The following MAMLD1 variants were observed in gnomAD, a reference collection of about 807,000 sequenced individuals.
MAMLD1 encodes mastermind-like domain-containing protein 1.
MAMLD1 carries 14 observed loss-of-function variants against 45.0 expected under a neutral mutation model. That is an observed-to-expected ratio of 0.31 (90% confidence interval 0.21 to 0.49). MAMLD1 has a LOEUF of 0.49. Ranked by LOEUF, MAMLD1 falls within the 20% of genes least tolerant of loss-of-function variation. The pLI is 0.99. For missense variants in MAMLD1, 543 were observed against 603.6 expected (o/e 0.90, Z 1.05); for synonymous variants, 254 against 247.8 (o/e 1.02, Z -0.24).
chrX:150,397,911 C>T (rs781793036), intron 1 of MAMLD1, among the ~76,000 whole-genome samples: 6 of 111,271 alleles, frequency 5.4e-5, no homozygotes, highest in African/African-American at 2.0e-4. Flanking sequence ...TAAGAAGTTT[C>T]ATGGCATATG....
intron 5 of MAMLD1, among the ~76,000 whole-genome samples, chrX:150,486,671 A>G (rs1417611795): frequency 9.0e-6 from 1 of 111,324 alleles, no homozygotes; most frequent in Non-Finnish European, 1.9e-5. Context: ...AAGGGATCCA[A>G]CTCCAATCCG....
chrX:150,388,567 T>C (rs1267049468), intron 1 of MAMLD1, among the ~76,000 whole-genome samples: 2 of 112,195 alleles, frequency 1.8e-5, no homozygotes, highest in Non-Finnish European at 3.8e-5. Context: ...TTTTGGTAGT[T>C]TGTGCTGTGC....
intron 3 of MAMLD1, among the ~76,000 whole-genome samples, chrX:150,467,561 G>A (rs1200671690): frequency 2.7e-5 from 3 of 112,703 alleles, no homozygotes; most frequent in African/African-American, 9.7e-5. Flanking sequence ...TGGTGACAGA[G>A]CTGTCCCTTG....
chrX:150,490,701 C>T (rs782604093), intron 5 of MAMLD1, among the ~76,000 whole-genome samples: 1 of 111,926 alleles, frequency 8.9e-6, no homozygotes, highest in South Asian at 3.7e-4. Context: ...TCTAGTTCGA[C>T]TACATCATTG....
intron 1 of MAMLD1, among the ~76,000 whole-genome samples, chrX:150,408,368 CA>C (rs1281397480): frequency 9.1e-6 from 1 of 109,728 alleles, no homozygotes; most frequent in African/African-American, 3.4e-5. Context: ...ATTTGCTCTC[CA>C]TTTTTTTTTC....
intron 5 of MAMLD1, among the ~76,000 whole-genome samples, chrX:150,477,343 C>T (rs1342920802): frequency 8.9e-6 from 1 of 112,393 alleles, no homozygotes; most frequent in Non-Finnish European, 1.9e-5. Flanking sequence ...GGAAAGTTCC[C>T]GAAACCCAGA....
In MAMLD1 at chrX:150,470,642, C is replaced by T. The variant is rs373358148; in HGVS notation, c.1069C>T (p.Pro357Ser). 20 of 1,210,269 alleles carry T rather than the reference C, an allele frequency of 1.7e-5. No individual in the cohort carries two copies. The highest frequency in any genetic ancestry group is 2.2e-5 in the Non-Finnish European group (20 of 895,205). Residue 357 changes from proline (P) to serine (S), a missense_variant, in exon 4 of 8, where the codon CCA becomes TCA. Physicochemically the swap from Pro to Ser is moderately conservative, Grantham distance 74. Transcript: ENST00000370401. ...HPPPLPLPPPPPPFSPQSLMV... is the reference protein window; with the variant it reads ...HPPPLPLPPPSPPFSPQSLMV... ...ACCACCGCTGCCACTGCCACCACCA[C>T]CACCCCCATTCAGCCCCCAGAGCCT...
At chrX:150,422,489 A>G (rs1445889152) in intron 1 of MAMLD1, among the ~76,000 whole-genome samples, 1 of 111,408 alleles carries the variant, frequency 9.0e-6, no homozygotes, top group Non-Finnish European at 1.9e-5. Flanking sequence ...GCTCACTGCA[A>G]CCTCCACCTC....
At chrX:150,468,841 G>A (rs1028288718) in intron 3 of MAMLD1, among the ~76,000 whole-genome samples, 1 of 110,906 alleles carries the variant, frequency 9.0e-6, no homozygotes, top group Non-Finnish European at 1.9e-5. Flanking sequence ...ATTATGAGTC[G>A]TTCTCGTTAA....
rs12399919 is a variant in MAMLD1 at position 150,402,947 on chromosome X, G to A, written c.-64+39417G>A. ...TGGGGTGGGGGGAGGAAGGAGGGAT[G>A]GCATTGGGAGATATACCTAATGCTA... On this transcript the variant is annotated intron_variant, in intron 1 of 7. Coordinates refer to ENST00000370401, the MANE Select transcript of MAMLD1 (RefSeq NM_005491.5). Among the ~76,000 whole-genome samples, 167 of 110,481 alleles carry A rather than the reference G, an allele frequency of 1.5e-3. 2 individuals carry two copies. Among genetic ancestry groups the A allele is most frequent in the African/African-American group, 4.8e-3 (144 of 30,290 alleles).
In MAMLD1 at chrX:150,513,275, C is replaced by T. The variant is rs2037956178; in HGVS notation, c.*1316C>T. 2.5e-6 allele frequency: 1 copy of T among 400,459 alleles called. No individual in the cohort carries two copies. Among genetic ancestry groups the T allele is most frequent in the African/African-American group, 2.5e-5 (1 of 40,173 alleles). 33.0% of individuals were successfully genotyped at this position (400,459 alleles called of 1,213,427 possible). On this transcript the variant is annotated 3_prime_UTR_variant, in exon 8 of 8. Transcript: ENST00000370401. Reference sequence around the variant, plus strand: ...ATTTGAAAATTTTGTAAATGGTTTTCCTAAACATTAATGACAGAAGTATTT... The same window carrying T: ...ATTTGAAAATTTTGTAAATGGTTTTTCTAAACATTAATGACAGAAGTATTT...
At chrX:150,453,840 C>A (rs1001787280) in intron 2 of MAMLD1, among the ~76,000 whole-genome samples, 1 of 112,255 alleles carries the variant, frequency 8.9e-6, no homozygotes, top group Non-Finnish European at 1.9e-5. Flanking sequence ...TGCTCTGCCC[C>A]CAGTCCTTCT....
intron 1 of MAMLD1, among the ~76,000 whole-genome samples, chrX:150,369,811 C>A (rs1453994700): frequency 2.8e-5 from 3 of 107,273 alleles, no homozygotes; most frequent in African/African-American, 1.0e-4. Flanking sequence ...GTTCTGAACC[C>A]ATTGTTGAAC....
intron 1 of MAMLD1, among the ~76,000 whole-genome samples, chrX:150,400,813 T>A (rs2033718949): frequency 9.2e-6 from 1 of 109,227 alleles, no homozygotes; most frequent in African/African-American, 3.4e-5. Context: ...GAAGCCCACT[T>A]GATCATGGTG....
intron 1 of MAMLD1, among the ~76,000 whole-genome samples, chrX:150,373,339 A>T (rs923395420): frequency 4.9e-4 from 55 of 111,349 alleles, no homozygotes; most frequent in African/African-American, 1.7e-3. Context: ...GGGGAGACTT[A>T]GCAGCATTGT....
intron 1 of MAMLD1, among the ~76,000 whole-genome samples, chrX:150,422,802 A>G (rs1266309237): frequency 1.8e-5 from 2 of 112,051 alleles, no homozygotes; most frequent in East Asian, 5.6e-4. Context: ...GAGGAGAACA[A>G]AAAGGGATTG....
intron 1 of MAMLD1, among the ~76,000 whole-genome samples, chrX:150,406,216 C>G (rs1253747366): frequency 9.1e-6 from 1 of 110,215 alleles, no homozygotes; most frequent in African/African-American, 3.3e-5. Flanking sequence ...TGGGTAGATG[C>G]TATTATTGCC....
Position 150,470,034 on chromosome X carries a change from G to A in MAMLD1, c.461G>A (p.Gly154Glu), listed in dbSNP as rs781965917. 8.3e-7 allele frequency: 1 copy of A among 1,211,738 alleles called. No individual in the cohort carries two copies. Among genetic ancestry groups the A allele is most frequent in the Non-Finnish European group, 1.1e-6 (1 of 895,458 alleles). ...GTAGTACCACAGACTACAGAAGTGG[G>A]ACTGAAAGGGCCCACTGTTCCTTAC... ...PFVVPQTTEV[G>E]LKGPTVPYYE... Residue 154 changes from glycine (G) to glutamate (E), a missense_variant, in exon 4 of 8, where the codon GGA becomes GAA. Transcript: ENST00000370401.
chrX:150,441,106 A>G (rs1019793952), intron 1 of MAMLD1, among the ~76,000 whole-genome samples: 6 of 106,854 alleles, frequency 5.6e-5, no homozygotes, highest in African/African-American at 2.0e-4. Flanking sequence ...GGTACATATG[A>G]TATTTTGTTA....
Sources: allele counts gnomAD v4.1 joint callset (sites outside exome capture counted in the v4.1 genomes callset), GRCh38; gene constraint gnomAD v4.1.1; transcripts MANE v1.5; gene names NCBI Gene and HGNC (gene_info 2026-07-23, HGNC 2026-07-21).